APBA3: variants seen among roughly 807,000 people sequenced by gnomAD.
The protein encoded by APBA3 is amyloid-beta A4 precursor protein-binding family A member 3.
A neutral mutation model predicts 55.9 loss-of-function variants in APBA3; 45 were observed. That is an observed-to-expected ratio of 0.80 (90% CI 0.63 to 1.03). APBA3 has a LOEUF of 1.03. Among genes scored for constraint, APBA3 ranks in the 50% least tolerant of loss-of-function variants. The pLI, the probability that APBA3 is intolerant of heterozygous loss-of-function variation, is 0.00. For synonymous variants in APBA3, 370 were observed against 353.3 expected, an observed-to-expected ratio of 1.05 and a Z score of -0.53; for missense variants, 865 against 820.3, an observed-to-expected ratio of 1.05 and a Z score of -0.67.
rs959214084 is a variant in APBA3, at chr19:3,751,427, G to T, written c.1515+7C>A. The T allele has an allele frequency of 2.0e-6, 3 of 1,527,142 alleles. No individual in the cohort carries two copies. The African/African-American group carries it at 4.1e-5, about 21-fold the overall frequency. 94.6% of individuals were successfully genotyped at this position (1,527,142 alleles called of 1,614,324 possible). A position where few individuals can be genotyped will look rare whatever the true frequency, so the allele number is the denominator to read the frequency against. On this transcript the variant is annotated splice_region_variant and intron_variant, in intron 9 of 10. Transcript: ENST00000316757. ...CCCCACCCCGGGGCCAGGGGCCGGG[G>T]CCTCACGATGCCGTCCTCCACGCAG...
chr19:3,753,009 C>A lies in APBA3; in HGVS notation c.1012-19G>T, dbSNP rs745531524. Reference sequence around the variant, plus strand: ...GCTGGGCCTGCGGGGAGGAGTGGCGCGTCCCTGGGGTGTCCCACCCACCTC... The same window carrying A: ...GCTGGGCCTGCGGGGAGGAGTGGCGAGTCCCTGGGGTGTCCCACCCACCTC... On this transcript the variant is annotated intron_variant, in intron 6 of 10. Transcript: ENST00000316757. 1.2e-6 allele frequency: 2 copies of A among 1,607,096 alleles called. No individual in the cohort carries two copies. Among genetic ancestry groups the A allele is most frequent in the Non-Finnish European group, 1.7e-6 (2 of 1,179,426 alleles).
At chr19:3,753,273 G>A (rs1483375930) in intron 6 of APBA3, 5 of 501,854 alleles carry the variant, frequency 1.0e-5, no homozygotes, top group Non-Finnish European at 1.8e-5. Context: ...ACCCAGCCAG[G>A]GGGCCTGGGG....
At chr19:3,753,106 G>A in intron 6 of APBA3, 116 bp from the exon 7 acceptor site, 1 of 1,205,706 alleles carries the variant, frequency 8.3e-7, no homozygotes, top group Non-Finnish European at 1.1e-6. Context: ...GAGAGTCCCA[G>A]GACACAGCCT....
chr19:3,752,038 A>G (rs553395656), intron 8 of APBA3: 225 of 199,346 alleles, frequency 1.1e-3, no homozygotes, highest in Admixed American at 4.3e-3. Flanking sequence ...ACATAGTGAG[A>G]CTCCATCTCT....
chr19:3,752,248 TAGAGAG>T lies in APBA3; in HGVS notation c.1395+254_1395+259del, dbSNP rs1178631174. On this transcript the variant is annotated intron_variant, in intron 8 of 10. Transcript: ENST00000316757. ...CCCCCAGAAATTAGCTGTTTCTTGT[TAGAGAG>T]AGAGAGTGGCCCAGCCCTGGAGCTG... 2.0e-5 allele frequency among the ~76,000 whole-genome samples: 3 copies of T among 151,980 alleles called. No individual in the cohort carries two copies. In the East Asian group the frequency reaches 5.8e-4, roughly 30 times the overall value.
At position 3,757,850 on chromosome 19, in the gene APBA3, A is replaced by G. The variant is rs552112597; in HGVS notation, c.616+1711T>C. Among the ~76,000 whole-genome samples the G allele has an allele frequency of 2.0e-5, 3 of 152,372 alleles. No homozygotes were observed. In the East Asian group the frequency reaches 5.8e-4, roughly 29 times the overall value. On this transcript the variant is annotated intron_variant, in intron 3 of 10. Transcript: ENST00000316757. ...TCTGCTGCAGCTACTCACCTCTGCC[A>G]TTCGAACATCAGAGCAGCCATGGAC...
intron 3 of APBA3, 106 bp downstream of exon 3, chr19:3,759,454 TC>T: frequency 1.7e-6 from 2 of 1,151,414 alleles, no homozygotes; most frequent in Non-Finnish European, 2.5e-6. Context: ...CCTCAGAGGC[TC>T]CCGAGAACCT....
chr19:3,752,486 C>T lies in APBA3; in HGVS notation c.1395+22G>A, dbSNP rs566716210. On this transcript the variant is annotated intron_variant, in intron 8 of 10. Transcript: ENST00000316757. The stretch of plus-strand genomic sequence containing the variant: ...CTCCCCTTCCTGGGAGTGTGGGGGC[C>T]CTGCCACACCAGGAAACTCACGCGG... The T allele has an allele frequency of 8.4e-6, 13 of 1,544,414 alleles. No individual in the cohort carries two copies. The East Asian group carries it at 2.8e-4, about 34-fold the overall frequency.
intron 8 of APBA3, chr19:3,752,005 C>G (rs2145716174): frequency 5.1e-6 from 1 of 196,762 alleles, no homozygotes; most frequent in South Asian, 9.7e-5. Flanking sequence ...AGGCCAGGAG[C>G]TCAAGACCAG....
At position 3,760,023 on chromosome 19, in the gene APBA3, CA is replaced by C. The variant is rs772717556; in HGVS notation, c.241del (p.Cys81ValfsTer52). On this transcript the variant is annotated frameshift_variant, in exon 2 of 11. Transcript: ENST00000316757. LOFTEE classifies it high-confidence loss of function. ...ATGGCCTGTGGCAATGTGTAGGGGA[CA>C]GGGGGCTCCACCTGGGGATGGGCCC... The part of the protein sequence containing the change: ...LVGPSPGGAP[C>X]PLHIATGHGL... The C allele has an allele frequency of 9.9e-6, 16 of 1,613,024 alleles. No homozygotes were observed. The highest frequency in any genetic ancestry group is 4.0e-5 in the African/African-American group (3 of 74,936).
intron 9 of APBA3, 25 bp from the exon 10 acceptor site, chr19:3,751,354 G>C: frequency 6.6e-6 from 10 of 1,520,692 alleles, no homozygotes; most frequent in Non-Finnish European, 8.8e-6. Context: ...AGGGGGACGG[G>C]AAAGAGGTGG....
intron 3 of APBA3, among the ~76,000 whole-genome samples, chr19:3,757,154 C>G (rs2037087486): frequency 6.6e-6 from 1 of 151,980 alleles, no homozygotes; most frequent in Admixed American, 6.6e-5. Flanking sequence ...TCACTGTCAC[C>G]CAGGCTGGAG....
Position 3,754,285 on chromosome 19 carries a change from C to G in APBA3, c.672G>C (p.Arg224Ser), listed in dbSNP as rs533460630. The G allele has an allele frequency of 6.4e-7, 1 of 1,551,866 alleles. No individual in the cohort carries two copies. The highest frequency in any genetic ancestry group is 1.4e-5 in the African/African-American group (1 of 73,054). Residue 224 changes from arginine to serine, a missense_variant, in exon 4 of 11, where the codon AGG (arginine) becomes AGC (serine). Transcript: ENST00000316757. The stretch of plus-strand genomic sequence containing the variant: ...ACACCAGCTGGGTGGACCCCAGGTA[C>G]CTGGCCCCAAATATGACACCGTCCA... ...DLLDGVIFGARYLGSTQLVSE... is the reference protein window; with the variant it reads ...DLLDGVIFGASYLGSTQLVSE...
At chr19:3,758,324 T>A (rs145859896) in intron 3 of APBA3, among the ~76,000 whole-genome samples, 28 of 152,016 alleles carry the variant, frequency 1.8e-4, no homozygotes, top group Non-Finnish European at 4.0e-4. Context: ...CGTGGGGTGA[T>A]CTCAGCTCAC....
At chr19:3,756,709 C>A (rs1378329613) in intron 3 of APBA3, 1 of 151,518 alleles carries the variant, frequency 6.6e-6, no homozygotes, top group Non-Finnish European at 1.5e-5. Flanking sequence ...GGCGACAGAG[C>A]GAGACTCCGT....
In APBA3 at chr19:3,754,223, T is replaced by A. The variant is rs1306357447; in HGVS notation, c.734A>T (p.Gln245Leu). The change falls in exon 4 of 11, where the codon CAG (glutamine) becomes CTG (leucine). Residue 245 changes from glutamine to leucine, a missense_variant. Gln to Leu is a moderately radical substitution (Grantham distance 113). Transcript: ENST00000316757. Reference sequence around the variant, plus strand: ...GACGCGGTCCATGGCCTCCCGGGCCTGGGCCATGCGCGTGCTGGTGGGCGG... The same window carrying A: ...GACGCGGTCCATGGCCTCCCGGGCCAGGGCCATGCGCGTGCTGGTGGGCGG... Reference protein sequence around the residue: ...RNPPTSTRMAQAREAMDRVKA... With the variant: ...RNPPTSTRMALAREAMDRVKA... 1 of 1,544,384 alleles carries A rather than the reference T, an allele frequency of 6.5e-7. No individual in the cohort carries two copies. The highest frequency in any genetic ancestry group is 2.4e-5 in the East Asian group (1 of 40,856).
intron 3 of APBA3, among the ~76,000 whole-genome samples, chr19:3,757,044 T>C (rs2037085941): frequency 1.3e-5 from 2 of 152,152 alleles, no homozygotes; most frequent in South Asian, 4.1e-4. Flanking sequence ...GTCACAGCTC[T>C]GCTCGATTCT....
rs753067135 is a variant in APBA3, at chr19:3,759,615, A to G, written c.577-15T>C. On this transcript the variant is annotated splice_polypyrimidine_tract_variant and intron_variant, in intron 2 of 10. Transcript: ENST00000316757. ...GTCTCGGGGCTCTGGAAGAAGATAG[A>G]GGAGGGGCAGGACTGAGTCTCCCTG... 2 of 1,600,870 alleles carry G rather than the reference A, an allele frequency of 1.2e-6. No individual in the cohort carries two copies. Among genetic ancestry groups the G allele is most frequent in the Non-Finnish European group, 1.7e-6 (2 of 1,175,332 alleles).
chr19:3,753,534 T>C, intron 6 of APBA3: 1 of 496,280 alleles, frequency 2.0e-6, no homozygotes, highest in East Asian at 3.2e-5. Flanking sequence ...TGGTCCCAGC[T>C]ACTAGAGAGG....
Sources: gnomAD v4.1 joint callset for allele counts (sites outside exome capture counted in the v4.1 genomes callset) on GRCh38, gnomAD v4.1.1 for gene constraint, MANE v1.5 for transcripts, NCBI Gene and HGNC (gene_info 2026-07-23, HGNC 2026-07-21) for gene names.